SLC25A48: variants seen among roughly 807,000 people sequenced by gnomAD.
SLC25A48 encodes solute carrier family 25 member 48, also known as CTC-321K16.1.
SLC25A48 carries 29 observed loss-of-function variants against 32.2 expected under a neutral mutation model. That is an observed-to-expected ratio of 0.90 (90% CI 0.67 to 1.23). The LOEUF (loss-of-function observed/expected upper bound fraction) is 1.23. SLC25A48 is among the 50% of genes most tolerant of loss of function. The pLI, the probability that SLC25A48 is intolerant of heterozygous loss-of-function variation, is 0.00. For synonymous variants in SLC25A48, 164 were observed against 172.3 expected (o/e 0.95, Z 0.38); for missense variants, 399 against 422.7 (o/e 0.94, Z 0.49).
chr5:135,794,780 T>G (rs963970904), intron 3 of SLC25A48, among the ~76,000 whole-genome samples: 1 of 151,590 alleles, frequency 6.6e-6, no homozygotes, highest in Non-Finnish European at 1.5e-5. Context: ...ATAAAAATAC[T>G]CCCAATATTG....
At chr5:135,796,669 G>A (rs975888881) in intron 3 of SLC25A48, among the ~76,000 whole-genome samples, 5 of 151,272 alleles carry the variant, frequency 3.3e-5, no homozygotes, top group East Asian at 1.9e-4. Flanking sequence ...CCCATATCCC[G>A]GGGGGTGTAC....
At chr5:135,842,524 T>G in intron 2 of SLC25A48, 65 bp downstream of exon 2, 1 of 1,467,274 alleles carries the variant, frequency 6.8e-7, no homozygotes, top group Non-Finnish European at 9.6e-7. Context: ...CCTCTGGGAC[T>G]ATTCCTGCTG....
intron 3 of SLC25A48, among the ~76,000 whole-genome samples, chr5:135,687,261 C>T (rs1754038758): frequency 1.3e-5 from 2 of 152,160 alleles, no homozygotes; most frequent in Non-Finnish European, 2.9e-5. Flanking sequence ...CACTTTACCA[C>T]CTATATATTT....
chr5:135,802,686 T>TCA (rs1228945684), intron 3 of SLC25A48, among the ~76,000 whole-genome samples: 1 of 151,554 alleles, frequency 6.6e-6, no homozygotes, highest in African/African-American at 2.4e-5. Flanking sequence ...ACTCCTAGTA[T>TCA]CACAGTGAGA....
chr5:135,708,861 G>T (rs1754584931), intron 3 of SLC25A48, among the ~76,000 whole-genome samples: 1 of 152,206 alleles, frequency 6.6e-6, no homozygotes, highest in Admixed American at 6.5e-5. Flanking sequence ...AGCAGGCACT[G>T]CTTTTGAGAA....
chr5:135,599,792 A>T (rs982112337), intron 1 of SLC25A48, among the ~76,000 whole-genome samples: 1 of 151,974 alleles, frequency 6.6e-6, no homozygotes, highest in South Asian at 2.1e-4. Context: ...CTGATCCTGT[A>T]TAAGGAGCTG....
chr5:135,762,186 C>T (rs1278464186), intron 3 of SLC25A48, among the ~76,000 whole-genome samples: 1 of 152,166 alleles, frequency 6.6e-6, no homozygotes, highest in Admixed American at 6.6e-5. Context: ...AATGGCCGCA[C>T]GTGGCCAGTG....
intron 3 of SLC25A48, among the ~76,000 whole-genome samples, chr5:135,719,402 C>T (rs543848762): frequency 7.9e-5 from 12 of 152,244 alleles, no homozygotes; most frequent in Admixed American, 2.6e-4. Context: ...GGATGCTGAG[C>T]AGGCATGCCG....
chr5:135,727,184 C>CTATATATA (rs61234105), intron 3 of SLC25A48, among the ~76,000 whole-genome samples: 9 of 146,028 alleles, frequency 6.2e-5, no homozygotes, highest in African/African-American at 1.0e-4. Context: ...TAGCCACAGG[C>CTATATATA]TATATATATA....
intron 3 of SLC25A48, among the ~76,000 whole-genome samples, chr5:135,798,958 C>CG (rs1413300618): frequency 8.0e-5 from 12 of 150,728 alleles, no homozygotes; most frequent in Admixed American, 2.0e-4. Context: ...TTCTAATATC[C>CG]GGGGGGGAGA....
At chr5:135,594,291 T>C (rs1206104031) in intron 1 of SLC25A48, among the ~76,000 whole-genome samples, 1 of 152,220 alleles carries the variant, frequency 6.6e-6, no homozygotes, top group Non-Finnish European at 1.5e-5. Flanking sequence ...GAAAGTGGCT[T>C]CAGTTGGGGA....
At chr5:135,802,627 C>A (rs1282545870) in intron 3 of SLC25A48, among the ~76,000 whole-genome samples, 1 of 151,292 alleles carries the variant, frequency 6.6e-6, no homozygotes, top group East Asian at 1.9e-4. Context: ...AGGGGTACAC[C>A]ATGTGTGTTC....
chr5:135,731,412 A>T (rs1032215382), intron 3 of SLC25A48, among the ~76,000 whole-genome samples: 2 of 152,338 alleles, frequency 1.3e-5, no homozygotes, highest in Non-Finnish European at 2.9e-5. Context: ...TAATAAGAAA[A>T]ATAAAACAAA....
chr5:135,655,722 G>A (rs1753230101), intron 3 of SLC25A48, among the ~76,000 whole-genome samples: 1 of 152,348 alleles, frequency 6.6e-6, no homozygotes, highest in African/African-American at 2.4e-5. Flanking sequence ...GGTTTCCAGA[G>A]CCTTTTGGCC....
In SLC25A48 at chr5:135,854,924, G is replaced by A. The variant is rs189633781; in HGVS notation, c.421+2103G>A. Among the ~76,000 whole-genome samples, 12 of 152,308 alleles carry A rather than the reference G, an allele frequency of 7.9e-5. No individual in the cohort carries two copies. The East Asian group carries it at 2.1e-3, about 27-fold the overall frequency. On this transcript the variant is annotated intron_variant, in intron 4 of 7. Transcript: ENST00000681962. ...CTTCCTTTGACTTGAACACTTAGAG[G>A]TCATTGTAGAATTACAAACTGGCCT...
Position 135,781,162 on chromosome 5 carries a change from AG to A in SLC25A48, c.-520-31360del, listed in dbSNP as rs1756708078. Among the ~76,000 whole-genome samples the A allele has an allele frequency of 2.6e-5, 3 of 116,474 alleles. 1 individual carries two copies. Among genetic ancestry groups the A allele is most frequent in the Non-Finnish European group, 6.4e-5 (3 of 47,138 alleles). The allele number at this position is 116,474 out of a possible 152,430, so 76.4% of individuals were successfully genotyped here. On this transcript the variant is annotated intron_variant, in intron 3 of 10. Transcript: ENST00000646290. ...CCCTGTGATATTGTTCCTAATATTC[AG>A]TGGGGAAGAGGATGATATTGTTCCC...
At chr5:135,702,405 C>T (rs952691928) in intron 3 of SLC25A48, among the ~76,000 whole-genome samples, 3 of 152,150 alleles carry the variant, frequency 2.0e-5, no homozygotes, top group Non-Finnish European at 4.4e-5. Flanking sequence ...AGTGATGCGT[C>T]TATAAGCCAA....
intron 3 of SLC25A48, among the ~76,000 whole-genome samples, chr5:135,671,394 CA>C (rs1253190478): frequency 1.3e-5 from 2 of 152,184 alleles, no homozygotes; most frequent in Non-Finnish European, 2.9e-5. Context: ...TCTAGGTTTG[CA>C]CAATATCAGT....
chr5:135,651,519 A>G (rs1303952049), intron 3 of SLC25A48, among the ~76,000 whole-genome samples: 1 of 152,130 alleles, frequency 6.6e-6, no homozygotes, highest in Non-Finnish European at 1.5e-5. Context: ...GGCCATGGCT[A>G]TCCCCTCTCC....
Sources: gnomAD v4.1 joint callset for allele counts (sites outside exome capture counted in the v4.1 genomes callset) on GRCh38, gnomAD v4.1.1 for gene constraint, MANE v1.5 for transcripts, NCBI Gene and HGNC (gene_info 2026-07-23, HGNC 2026-07-21) for gene names.